The following SH3BP4 variants were observed in gnomAD, a reference collection of about 807,000 sequenced individuals.
SH3BP4 encodes the protein SH3 domain-binding protein 4.
SH3BP4 carries 33 observed loss-of-function variants against 65.5 expected under a neutral mutation model. The ratio of observed to expected loss-of-function variants is 0.50; its 90% CI spans 0.38 to 0.67. The LOEUF (loss-of-function observed/expected upper bound fraction) is 0.67, where lower values mean the gene tolerates loss of function less well. SH3BP4 is among the 30% of genes least tolerant of loss of function. SH3BP4 has a pLI of 0.00. For missense variants in SH3BP4, 1,134 were observed against 1,261.4 expected, an observed-to-expected ratio of 0.90 and a Z score of 1.53; for synonymous variants, 552 against 545.5, an observed-to-expected ratio of 1.01 and a Z score of -0.17.
At chr2:235,037,333 G>GA (rs771405353) in intron 3 of SH3BP4, among the ~76,000 whole-genome samples, 1 of 152,122 alleles carries the variant, frequency 6.6e-6, no homozygotes, top group Non-Finnish European at 1.5e-5. Flanking sequence ...CTAGAAGGGG[G>GA]AATCACACAA....
At chr2:234,973,955 C>T (rs964989) in intron 1 of SH3BP4, among the ~76,000 whole-genome samples, 4,666 of 152,194 alleles carry the variant, frequency 0.031, 105 homozygotes, top group Non-Finnish European at 0.045. Context: ...TTTTGGGGGG[C>T]TGTGAGGCTG....
intron 2 of SH3BP4, among the ~76,000 whole-genome samples, chr2:235,018,171 G>T (rs554499050): frequency 6.6e-6 from 1 of 152,278 alleles, no homozygotes; most frequent in East Asian, 1.9e-4. Context: ...AAAGTTGGAT[G>T]AGGTGATTGT....
At chr2:234,993,137 G>C (rs1481835895) in intron 1 of SH3BP4, among the ~76,000 whole-genome samples, 2 of 152,248 alleles carry the variant, frequency 1.3e-5, no homozygotes, top group Non-Finnish European at 1.5e-5. Context: ...GCTTGTCTCA[G>C]GAAGTGCCCC....
Position 235,045,671 on chromosome 2 carries a change from C to T in SH3BP4, c.2478+2424C>T, listed in dbSNP as rs577195716. On this transcript the variant is annotated intron_variant, in intron 4 of 5. Transcript: ENST00000392011. This position sits in a 1 kb window ranked among gnomAD's most constrained non-coding sequence, Gnocchi z 4.3. ...TGGCCAAACTTATAGAAACCACAGA[C>T]GGATTTCTCCCAGGTCGTTTATTAG... 6.8e-5 allele frequency among the ~76,000 whole-genome samples: 10 copies of T among 147,414 alleles called. No homozygotes were observed. The highest frequency in any genetic ancestry group is 1.2e-4 in the Non-Finnish European group (8 of 66,716).
At chr2:234,955,057 T>C (rs1692555868) in intron 1 of SH3BP4, among the ~76,000 whole-genome samples, 1 of 152,210 alleles carries the variant, frequency 6.6e-6, no homozygotes, top group South Asian at 2.1e-4. Context: ...TAAATTGGGC[T>C]GTGTTGTGAT....
At chr2:235,000,126 C>T (rs560021113) in intron 2 of SH3BP4, among the ~76,000 whole-genome samples, 2 of 152,338 alleles carry the variant, frequency 1.3e-5, no homozygotes, top group South Asian at 2.1e-4. Context: ...GCAGCGACAG[C>T]CACTGGGAAC....
At position 234,992,666 on chromosome 2, in the gene SH3BP4, C is replaced by T. The variant is rs143606700; in HGVS notation, c.-206-2637C>T. ...ATGGACGCATTCCTGCTGCGTGGCT[C>T]TGGGTCTGGAGACCCTGGAGATGGA... is the stretch of plus-strand genomic sequence containing the variant. On this transcript the variant is annotated intron_variant, in intron 1 of 5. Coordinates refer to ENST00000392011, the MANE Select transcript of SH3BP4 (RefSeq NM_014521.3). Among the ~76,000 whole-genome samples, 141 of 148,718 alleles carry T rather than the reference C, an allele frequency of 9.5e-4. 4 individuals are homozygous for T. In the East Asian group the frequency reaches 0.022, roughly 23 times the overall value.
At position 235,046,717 on chromosome 2, in the gene SH3BP4, T is replaced by G. The variant is rs1559260053; in HGVS notation, c.2478+3470T>G. Among the ~76,000 whole-genome samples the G allele has an allele frequency of 6.8e-6, 1 of 146,466 alleles. No homozygotes were observed. Among genetic ancestry groups the G allele is most frequent in the African/African-American group, 2.6e-5 (1 of 38,644 alleles). On this transcript the variant is annotated intron_variant, in intron 4 of 5. Coordinates refer to ENST00000392011, the MANE Select transcript of SH3BP4 (RefSeq NM_014521.3). The surrounding 1 kb of genome is among the most constrained non-coding windows in gnomAD (Gnocchi z 4.2). ...ACTGAGGTACTAGATGGATAAGTGATTGAATGAATGAATGATGGATGAATG... is the reference window on the plus strand; with the variant it reads ...ACTGAGGTACTAGATGGATAAGTGAGTGAATGAATGAATGATGGATGAATG...
chr2:234,990,545 T>C (rs1693717672), intron 1 of SH3BP4, among the ~76,000 whole-genome samples: 1 of 152,228 alleles, frequency 6.6e-6, no homozygotes, highest in Admixed American at 6.5e-5. Flanking sequence ...TGGGAACTCA[T>C]GCGGGTCTGG....
At chr2:234,954,379 T>C (rs35664541) in intron 1 of SH3BP4, among the ~76,000 whole-genome samples, 81,283 of 151,924 alleles carry the variant, frequency 0.54, 22,431 homozygotes, top group Middle Eastern at 0.68. Flanking sequence ...TGTCGTTTGA[T>C]AGTTTCATTT....
At chr2:235,019,433 A>AG (rs1277056605) in intron 2 of SH3BP4, among the ~76,000 whole-genome samples, 1 of 129,128 alleles carries the variant, frequency 7.7e-6, no homozygotes, top group East Asian at 2.4e-4. Flanking sequence ...GGAAGGGCGA[A>AG]TTTTTTTTTT....
intron 2 of SH3BP4, among the ~76,000 whole-genome samples, chr2:235,028,833 CAT>C (rs1010103172): frequency 2.6e-4 from 39 of 152,116 alleles, no homozygotes; most frequent in African/African-American, 9.4e-4. Flanking sequence ...GAGAGCACTG[CAT>C]GTGCAAAGGC....
At chr2:235,000,971 A>C (rs1694079683) in intron 2 of SH3BP4, among the ~76,000 whole-genome samples, 2 of 152,198 alleles carry the variant, frequency 1.3e-5, no homozygotes, top group South Asian at 4.1e-4. Flanking sequence ...CAGTAAACAC[A>C]ACTTGATTCT....
chr2:235,039,889 T>C (rs1695580389), intron 3 of SH3BP4, among the ~76,000 whole-genome samples: 1 of 152,232 alleles, frequency 6.6e-6, no homozygotes, highest in Non-Finnish European at 1.5e-5. Flanking sequence ...AATCTCTCAT[T>C]TTCAAGGTAT....
chr2:235,024,543 T>TA (rs1213264977), intron 2 of SH3BP4, among the ~76,000 whole-genome samples: 1 of 152,130 alleles, frequency 6.6e-6, no homozygotes, highest in African/African-American at 2.4e-5. Context: ...TCAGGAACAG[T>TA]ATTAAACCCT....
At chr2:235,001,471 C>T (rs1487793064) in intron 2 of SH3BP4, among the ~76,000 whole-genome samples, 2 of 152,208 alleles carry the variant, frequency 1.3e-5, no homozygotes, top group African/African-American at 2.4e-5. Context: ...ACAGCTGAAA[C>T]GGAGATGACA....
intron 1 of SH3BP4, among the ~76,000 whole-genome samples, chr2:234,960,264 C>T (rs1317317512): frequency 1.3e-5 from 2 of 151,416 alleles, no homozygotes; most frequent in East Asian, 1.9e-4. Flanking sequence ...TCTGGTCTCA[C>T]GTTTCCTTAC....
In SH3BP4 at chr2:234,997,545, C is replaced by T. The variant is rs1305684534; in HGVS notation, c.-133+2169C>T. ...CCAGAATGACTGAGGAAACAGGAGG[C>T]CTGCAGCAGAGCACGGCCGATTGCT... is the stretch of plus-strand genomic sequence containing the variant. On this transcript the variant is annotated intron_variant, in intron 2 of 5. Coordinates refer to ENST00000392011, the MANE Select transcript of SH3BP4 (RefSeq NM_014521.3). This position sits in a 1 kb window ranked among gnomAD's most constrained non-coding sequence, Gnocchi z 4.2. 1.3e-5 allele frequency among the ~76,000 whole-genome samples: 2 copies of T among 152,184 alleles called. No individual in the cohort carries two copies. Among genetic ancestry groups the T allele is most frequent in the Non-Finnish European group, 2.9e-5 (2 of 68,036 alleles).
chr2:234,987,936 A>G (rs981219680), intron 1 of SH3BP4, among the ~76,000 whole-genome samples: 1 of 152,208 alleles, frequency 6.6e-6, no homozygotes, highest in Non-Finnish European at 1.5e-5. Flanking sequence ...GCATGATGAC[A>G]TCATTGATTT....
Sources: gnomAD v4.1 joint callset for allele counts (sites outside exome capture counted in the v4.1 genomes callset) on GRCh38, gnomAD v4.1.1 for gene constraint, Gnocchi (gnomAD v3.1) non-coding constraint, MANE v1.5 for transcripts, NCBI Gene and HGNC (gene_info 2026-07-23, HGNC 2026-07-21) for gene names.